ST6GALNAC3: variants seen among roughly 807,000 people sequenced by gnomAD.
ST6GALNAC3 encodes the protein alpha-N-acetylgalactosaminide alpha-2,6-sialyltransferase 3.
In ST6GALNAC3, 25 loss-of-function variants were observed where a neutral mutation model predicts 32.7. That is an observed-to-expected ratio of 0.76 (90% CI 0.56 to 1.07). The LOEUF is 1.07. Among genes scored for constraint, ST6GALNAC3 ranks in the 50% least tolerant of loss-of-function variants. The pLI, the probability that ST6GALNAC3 is intolerant of heterozygous loss-of-function variation, is 0.00. For missense variants in ST6GALNAC3, 355 were observed against 382.4 expected (o/e 0.93, Z 0.60); for synonymous variants, 129 against 133.1 (o/e 0.97, Z 0.21).
At chr1:76,396,433 C>T (rs1652962131) in intron 2 of ST6GALNAC3, among the ~76,000 whole-genome samples, 1 of 152,168 alleles carries the variant, frequency 6.6e-6, no homozygotes, top group Admixed American at 6.5e-5. Context: ...CCACTGCACT[C>T]CTACTTGGGC....
At chr1:76,594,091 G>A (rs1419428821) in intron 3 of ST6GALNAC3, among the ~76,000 whole-genome samples, 1 of 152,080 alleles carries the variant, frequency 6.6e-6, no homozygotes, top group Non-Finnish European at 1.5e-5. Flanking sequence ...ACAGGGCTTA[G>A]GGGATAACTT....
chr1:76,203,997 G>A (rs1437429408), intron 1 of ST6GALNAC3, among the ~76,000 whole-genome samples: 4 of 152,118 alleles, frequency 2.6e-5, no homozygotes, highest in Non-Finnish European at 4.4e-5. Context: ...CAAACAGGGT[G>A]TTTAATCAAC....
At chr1:76,118,971 C>A (rs189597598) in intron 1 of ST6GALNAC3, among the ~76,000 whole-genome samples, 1 of 152,078 alleles carries the variant, frequency 6.6e-6, no homozygotes, top group Admixed American at 6.5e-5. Flanking sequence ...TACAGGCGTG[C>A]GCCACCATGC....
At chr1:76,346,693 AC>A (rs1392203058) in intron 2 of ST6GALNAC3, among the ~76,000 whole-genome samples, 1 of 152,044 alleles carries the variant, frequency 6.6e-6, no homozygotes, top group Non-Finnish European at 1.5e-5. Flanking sequence ...CGGTGCCACT[AC>A]TTAGTTTTGA....
intron 3 of ST6GALNAC3, among the ~76,000 whole-genome samples, chr1:76,574,606 C>T (rs1646771385): frequency 6.6e-6 from 1 of 152,000 alleles, no homozygotes; most frequent in African/African-American, 2.4e-5. Context: ...ATCTGAAATT[C>T]AAGGGCCCAT....
chr1:76,102,251 G>GTA (rs1484234557), intron 1 of ST6GALNAC3, among the ~76,000 whole-genome samples: 2 of 151,746 alleles, frequency 1.3e-5, no homozygotes, highest in African/African-American at 4.8e-5. Context: ...GTGTGTGTGT[G>GTA]TGTGTGTGTG....
At chr1:76,557,655 T>G (rs1196059743) in intron 3 of ST6GALNAC3, among the ~76,000 whole-genome samples, 1 of 152,072 alleles carries the variant, frequency 6.6e-6, no homozygotes, top group Non-Finnish European at 1.5e-5. Flanking sequence ...AGTTTATAAA[T>G]AGTGATGTCA....
chr1:76,571,653 G>C (rs1168523195), intron 3 of ST6GALNAC3, among the ~76,000 whole-genome samples: 1 of 152,002 alleles, frequency 6.6e-6, no homozygotes, highest in Non-Finnish European at 1.5e-5. Flanking sequence ...ATTATGAATG[G>C]GAAAGAAAGG....
intron 3 of ST6GALNAC3, among the ~76,000 whole-genome samples, chr1:76,468,076 T>C (rs1180308341): frequency 1.3e-5 from 2 of 151,902 alleles, no homozygotes; most frequent in Non-Finnish European, 2.9e-5. Context: ...TATACCAGAA[T>C]CAATCAATTC....
chr1:76,096,694 C>T (rs911370261), intron 1 of ST6GALNAC3, among the ~76,000 whole-genome samples: 1 of 151,814 alleles, frequency 6.6e-6, no homozygotes, highest in Non-Finnish European at 1.5e-5. Flanking sequence ...TGATTGCTGC[C>T]GTTAACAAGG....
At chr1:76,348,775 A>G (rs1298400086) in intron 2 of ST6GALNAC3, among the ~76,000 whole-genome samples, 1 of 152,094 alleles carries the variant, frequency 6.6e-6, no homozygotes, top group Non-Finnish European at 1.5e-5. Flanking sequence ...TTGTGCATTC[A>G]TTTAGTAATT....
At chr1:76,571,559 C>G (rs577714652) in intron 3 of ST6GALNAC3, among the ~76,000 whole-genome samples, 1 of 152,050 alleles carries the variant, frequency 6.6e-6, no homozygotes, top group Admixed American at 6.6e-5. Flanking sequence ...TATTTTAAAC[C>G]TTCTGAGCAT....
At chr1:76,546,028 G>T (rs1370861658) in intron 3 of ST6GALNAC3, among the ~76,000 whole-genome samples, 1 of 152,088 alleles carries the variant, frequency 6.6e-6, no homozygotes, top group African/African-American at 2.4e-5. Context: ...TTTCATTATT[G>T]TTTCTACATT....
At chr1:76,534,127 C>T (rs556133609) in intron 3 of ST6GALNAC3, among the ~76,000 whole-genome samples, 2 of 152,126 alleles carry the variant, frequency 1.3e-5, no homozygotes, top group Non-Finnish European at 2.9e-5. Flanking sequence ...ACTGCAACCT[C>T]CACCTCCTGG....
intron 1 of ST6GALNAC3, among the ~76,000 whole-genome samples, chr1:76,249,754 G>A (rs1021992406): frequency 3.3e-5 from 5 of 152,300 alleles, no homozygotes; most frequent in Middle Eastern, 3.4e-3. Flanking sequence ...TTTCTCGACA[G>A]CCTTGTCAAC....
At chr1:76,227,738 C>T (rs949325278) in intron 1 of ST6GALNAC3, among the ~76,000 whole-genome samples, 15 of 152,166 alleles carry the variant, frequency 9.9e-5, no homozygotes, top group African/African-American at 2.9e-4. Flanking sequence ...AAAACTTCCT[C>T]GTTGCTCTTT....
chr1:76,603,563 C>T (rs941133075), intron 3 of ST6GALNAC3, among the ~76,000 whole-genome samples: 4 of 152,102 alleles, frequency 2.6e-5, no homozygotes, highest in African/African-American at 4.8e-5. Context: ...AGTAAAATGA[C>T]GTTGAAAAAT....
At chr1:76,585,150 C>T (rs996197706) in intron 3 of ST6GALNAC3, among the ~76,000 whole-genome samples, 5 of 152,030 alleles carry the variant, frequency 3.3e-5, no homozygotes, top group African/African-American at 9.7e-5. Flanking sequence ...TTTTGGAGGC[C>T]GAGGCAGGCG....
chr1:76,487,678 C>G (rs896192025), intron 3 of ST6GALNAC3, among the ~76,000 whole-genome samples: 19 of 152,112 alleles, frequency 1.2e-4, no homozygotes, highest in African/African-American at 4.3e-4. Context: ...CGAACTTCCT[C>G]CTTTAGCTTG....
Sources: gnomAD v4.1 joint callset for allele counts (sites outside exome capture counted in the v4.1 genomes callset) on GRCh38, gnomAD v4.1.1 for gene constraint, MANE v1.5 for transcripts, NCBI Gene and HGNC (gene_info 2026-07-23, HGNC 2026-07-21) for gene names.